The following CYLC1 variants were observed in gnomAD, a reference collection of about 807,000 sequenced individuals.
CYLC1 encodes cylicin-1.
A neutral mutation model predicts 31.6 loss-of-function variants in CYLC1; 2 were observed. That is an observed-to-expected ratio of 0.06 (90% confidence interval 0.03 to 0.20). CYLC1 has a LOEUF of 0.20. Among genes scored for constraint, CYLC1 ranks in the 10% least tolerant of loss-of-function variants. CYLC1 has a pLI of 1.00. For missense variants in CYLC1, 595 were observed against 424.1 expected (o/e 1.40, Z -3.54); for synonymous variants, 185 against 153.0 (o/e 1.21, Z -1.54).
intron 4 of CYLC1, among the ~76,000 whole-genome samples, chrX:83,878,140 AT>A (rs1352771865): frequency 7.2e-5 from 3 of 41,939 alleles, no homozygotes; most frequent in Admixed American, 5.5e-4. Flanking sequence ...ATATATAAAA[AT>A]ATATATTTGT....
At chrX:83,876,634 T>A (rs750048653) in intron 4 of CYLC1, among the ~76,000 whole-genome samples, 1 of 110,747 alleles carries the variant, frequency 9.0e-6, no homozygotes, top group African/African-American at 3.3e-5. Flanking sequence ...AAATACCTTC[T>A]TGTGGCCATA....
chrX:83,870,118 T>A (rs2031644324), intron 2 of CYLC1, among the ~76,000 whole-genome samples: 1 of 111,619 alleles, frequency 9.0e-6, no homozygotes, highest in African/African-American at 3.2e-5. Flanking sequence ...AGATTTGCAC[T>A]CACTGGTTTT....
intron 3 of CYLC1, among the ~76,000 whole-genome samples, 167 bp downstream of exon 3, chrX:83,871,737 A>G (rs2031668138): frequency 1.8e-5 from 2 of 110,912 alleles, no homozygotes; most frequent in Non-Finnish European, 3.8e-5. Flanking sequence ...GATTAAGCTC[A>G]TATTTGTACA....
rs760099784 is a variant in CYLC1 at position 83,862,475 on chromosome X, G to A, written c.17+1276G>A. Reference sequence around the variant, plus strand: ...GGAGAATGGCATGAACCTGGGGGGCGGAGCTTGCAGTGAGCAGAGATCGCG... The same window carrying A: ...GGAGAATGGCATGAACCTGGGGGGCAGAGCTTGCAGTGAGCAGAGATCGCG... On this transcript the variant is annotated intron_variant, in intron 1 of 4. Coordinates refer to ENST00000329312, the MANE Select transcript of CYLC1 (RefSeq NM_021118.3). 7.2e-5 allele frequency among the ~76,000 whole-genome samples: 8 copies of A among 111,049 alleles called. No homozygotes were observed. The South Asian group carries it at 3.1e-3, about 43-fold the overall frequency.
chrX:83,874,614 C>A lies in CYLC1; in HGVS notation c.1906C>A (p.Pro636Thr). The change falls in exon 4 of 5, where the codon CCA becomes ACA. Residue 636 changes from proline (P) to threonine (T), a missense_variant. Coordinates refer to ENST00000329312, the MANE Select transcript of CYLC1 (RefSeq NM_021118.3). ...WCKMPPPPPK[P>T]RYAPLPEAPW... is the part of the protein sequence containing the mutation. ...CAAGATGCCTCCTCCACCTCCAAAA[C>A]CAAGATATGCTCCTTTGGTAAGTTT... The A allele has an allele frequency of 8.4e-7, 1 of 1,197,077 alleles. No individual in the cohort carries two copies. The highest frequency in any genetic ancestry group is 1.1e-6 in the Non-Finnish European group (1 of 889,343).
Position 83,873,790 on chromosome X carries a change from A to G in CYLC1, c.1082A>G (p.Lys361Arg). Residue 361 changes from lysine (K) to arginine (R), a missense_variant, in exon 4 of 5, where the codon AAG (lysine) becomes AGG (arginine). Coordinates refer to ENST00000329312, the MANE Select transcript of CYLC1 (RefSeq NM_021118.3). ...AAATTAAAGAAAGATGACAAGAAAAAGGACACAAAGAAGTACCCAGAGTCT... is the reference window on the plus strand; with the variant it reads ...AAATTAAAGAAAGATGACAAGAAAAGGGACACAAAGAAGTACCCAGAGTCT... ...KKKLKKDDKK[K>R]DTKKYPESTD... The G allele has an allele frequency of 8.4e-7, 1 of 1,188,232 alleles. No individual in the cohort carries two copies. Among genetic ancestry groups the G allele is most frequent in the Non-Finnish European group, 1.1e-6 (1 of 882,455 alleles).
chrX:83,871,274 A>C (rs1374949222), intron 2 of CYLC1, among the ~76,000 whole-genome samples, 178 bp from the exon 3 acceptor site: 1 of 111,160 alleles, frequency 9.0e-6, no homozygotes. Flanking sequence ...AAATAAGAAA[A>C]ATGGTTTTTA....
intron 4 of CYLC1, among the ~76,000 whole-genome samples, chrX:83,881,812 T>C (rs943839951): frequency 1.9e-5 from 2 of 106,207 alleles, no homozygotes; most frequent in Non-Finnish European, 3.9e-5. Flanking sequence ...TTCTCCTGCC[T>C]CAGCCTCCCG....
intron 1 of CYLC1, among the ~76,000 whole-genome samples, chrX:83,863,475 A>G (rs1482111794): frequency 9.0e-6 from 1 of 111,209 alleles, no homozygotes; most frequent in Non-Finnish European, 1.9e-5. Flanking sequence ...ATTTCCTTGC[A>G]TACATCCTCA....
chrX:83,879,740 C>T (rs868065340), intron 4 of CYLC1, among the ~76,000 whole-genome samples: 1 of 57,540 alleles, frequency 1.7e-5, no homozygotes, highest in African/African-American at 3.8e-5. Flanking sequence ...CACACAGACA[C>T]ATACACACAC....
chrX:83,874,904 C>G (rs939647884), intron 4 of CYLC1, among the ~76,000 whole-genome samples: 1 of 108,377 alleles, frequency 9.2e-6, no homozygotes, highest in Non-Finnish European at 1.9e-5. Context: ...TAAAGAAGGT[C>G]ATTTTGCAAA....
At chrX:83,861,304 G>C in intron 1 of CYLC1, 105 bp downstream of exon 1, 1 of 566,635 alleles carries the variant, frequency 1.8e-6, no homozygotes, top group South Asian at 3.9e-5. Context: ...TTTCATAGTC[G>C]TTTTATTTAT....
chrX:83,867,284 A>G (rs2031605088), intron 1 of CYLC1, among the ~76,000 whole-genome samples: 1 of 111,754 alleles, frequency 8.9e-6, no homozygotes, highest in Admixed American at 9.6e-5. Flanking sequence ...TAGCAGTTTT[A>G]TTCAAGGCAG....
rs150107811 is a variant in CYLC1 at position 83,880,006 on chromosome X, G to A, written c.1923+5375G>A. Reference sequence around the variant, plus strand: ...TTTAAATATCTTTTGAATGTTTGTCGTGCCATACGTTTGATCTTTTGAGAA... The same window carrying A: ...TTTAAATATCTTTTGAATGTTTGTCATGCCATACGTTTGATCTTTTGAGAA... On this transcript the variant is annotated intron_variant, in intron 4 of 4. Coordinates refer to ENST00000329312, the MANE Select transcript of CYLC1 (RefSeq NM_021118.3). 2.5e-3 allele frequency among the ~76,000 whole-genome samples: 279 copies of A among 111,162 alleles called. 2 individuals are homozygous for A. Among genetic ancestry groups the A allele is most frequent in the Middle Eastern group, 9.3e-3 (2 of 214 alleles).
intron 1 of CYLC1, among the ~76,000 whole-genome samples, chrX:83,867,865 C>T (rs900266680): frequency 2.2e-4 from 25 of 111,419 alleles, no homozygotes; most frequent in African/African-American, 7.5e-4. Context: ...AATTAAAATA[C>T]GGATATTTTT....
chrX:83,881,129 GTGTTGTTGT>G (rs371734890), intron 4 of CYLC1, among the ~76,000 whole-genome samples: 3 of 109,027 alleles, frequency 2.8e-5, no homozygotes, highest in Non-Finnish European at 5.7e-5. Flanking sequence ...AGGAAAGTGG[GTGTTGTTGT>G]TGTTGTTGTT....
chrX:83,862,629 C>G (rs757470644), intron 1 of CYLC1, among the ~76,000 whole-genome samples: 3 of 112,759 alleles, frequency 2.7e-5, no homozygotes, highest in African/African-American at 9.6e-5. Flanking sequence ...TCTCAAATCA[C>G]TAGCGCTTTT....
chrX:83,877,795 T>TATATTTTATTC (rs1320976037), intron 4 of CYLC1, among the ~76,000 whole-genome samples: 2 of 98,535 alleles, frequency 2.0e-5, no homozygotes, highest in Non-Finnish European at 4.0e-5. Context: ...TATATAAAAT[T>TATATTTTATTC]ATATTTTATT....
At position 83,873,932 on chromosome X, in the gene CYLC1, T is replaced by C. The variant is rs1250720029; in HGVS notation, c.1224T>C (p.Asp408=). ...CAAAGAAAATTACATTCTCTACTGA[T>C]TCTGAATCTGAACTGGAGTCAAAGG... ...KDAKKITFST[D]SESELESKES... Residue 408 remains aspartate (D), a synonymous_variant, in exon 4 of 5, where the codon GAT becomes GAC. Transcript: ENST00000329312. 1.1e-5 allele frequency: 13 copies of C among 1,188,140 alleles called. No individual in the cohort carries two copies. Among genetic ancestry groups the C allele is most frequent in the Non-Finnish European group, 1.5e-5 (13 of 881,014 alleles).
Sources: allele counts gnomAD v4.1 joint callset (sites outside exome capture counted in the v4.1 genomes callset), GRCh38; gene constraint gnomAD v4.1.1; transcripts MANE v1.5; gene names NCBI Gene and HGNC (gene_info 2026-07-23, HGNC 2026-07-21).